Variants in CSRNP3 observed in about 807,000 individuals in gnomAD.
CSRNP3 encodes cysteine and serine rich nuclear protein 3.
A neutral mutation model predicts 48.0 loss-of-function variants in CSRNP3; 12 were observed. The observed-to-expected ratio is 0.25, with a 90% CI of 0.16 to 0.41. The LOEUF (loss-of-function observed/expected upper bound fraction) is 0.41, where lower values mean the gene tolerates loss of function less well. Ranked by LOEUF, CSRNP3 falls within the 10% of genes least tolerant of loss-of-function variation. The pLI is 1.00. For missense variants in CSRNP3, 580 were observed against 724.4 expected, an observed-to-expected ratio of 0.80 and a Z score of 2.29; for synonymous variants, 263 against 269.7, an observed-to-expected ratio of 0.98 and a Z score of 0.24.
At chr2:165,603,173 G>C (rs1205207204) in intron 4 of CSRNP3, among the ~76,000 whole-genome samples, 2 of 152,140 alleles carry the variant, frequency 1.3e-5, no homozygotes, top group African/African-American at 4.8e-5. Context: ...GGGATTACAG[G>C]CGTGAGCCAC....
At chr2:165,476,966 A>G (rs964377918) in intron 1 of CSRNP3, among the ~76,000 whole-genome samples, 9 of 152,128 alleles carry the variant, frequency 5.9e-5, no homozygotes, top group African/African-American at 1.9e-4. Context: ...CTTCCTAAGT[A>G]TTATTGCTTG....
Position 165,638,089 on chromosome 2 carries a change from T to C in CSRNP3, c.149-19672T>C, listed in dbSNP as rs565982334. Reference sequence around the variant, plus strand: ...AAGACAGTCATTTTACTCAACCATTTCTATGAAGTCAGGCATTTAGGTGTT... The same window carrying C: ...AAGACAGTCATTTTACTCAACCATTCCTATGAAGTCAGGCATTTAGGTGTT... On this transcript the variant is annotated intron_variant, in intron 4 of 6. Coordinates refer to ENST00000651982, the MANE Select transcript of CSRNP3 (RefSeq NM_001172173.2). Among the ~76,000 whole-genome samples the C allele has an allele frequency of 7.2e-5, 11 of 152,334 alleles. 1 individual carries two copies. In the South Asian group the frequency reaches 2.3e-3, roughly 32 times the overall value.
chr2:165,584,743 G>A (rs927736095), intron 3 of CSRNP3, among the ~76,000 whole-genome samples: 1 of 152,068 alleles, frequency 6.6e-6, no homozygotes, highest in African/African-American at 2.4e-5. Context: ...CTTTTAGAAG[G>A]GCAACTGCTT....
intron 2 of CSRNP3, among the ~76,000 whole-genome samples, chr2:165,509,826 T>C (rs1684478291): frequency 6.6e-6 from 1 of 152,124 alleles, no homozygotes; most frequent in East Asian, 1.9e-4. Flanking sequence ...TGATACAGGA[T>C]CCAATCAAGG....
chr2:165,473,141 A>G (rs1036864671), intron 1 of CSRNP3, among the ~76,000 whole-genome samples: 1 of 152,132 alleles, frequency 6.6e-6, no homozygotes, highest in African/African-American at 2.4e-5. Context: ...TCGTAGGCTT[A>G]CTCTCAACTA....
chr2:165,583,358 A>G (rs1051910924), intron 3 of CSRNP3, among the ~76,000 whole-genome samples: 2 of 152,234 alleles, frequency 1.3e-5, no homozygotes, highest in African/African-American at 4.8e-5. Flanking sequence ...ACAAACAATT[A>G]CATTCAATAT....
intron 4 of CSRNP3, among the ~76,000 whole-genome samples, chr2:165,638,881 A>AG (rs1228018030): frequency 2.0e-5 from 3 of 152,244 alleles, no homozygotes; most frequent in Non-Finnish European, 4.4e-5. Flanking sequence ...ATGTTCTATA[A>AG]GGTTTCAGGG....
At chr2:165,594,718 C>T (rs1177435470) in intron 3 of CSRNP3, among the ~76,000 whole-genome samples, 1 of 152,088 alleles carries the variant, frequency 6.6e-6, no homozygotes, top group Non-Finnish European at 1.5e-5. Flanking sequence ...GAGACATTGG[C>T]ATTATTTTTC....
At chr2:165,624,425 CTT>C (rs1252626899) in intron 4 of CSRNP3, among the ~76,000 whole-genome samples, 3 of 152,154 alleles carry the variant, frequency 2.0e-5, no homozygotes, top group African/African-American at 4.8e-5. Flanking sequence ...TTAAGTCACT[CTT>C]TTTATTTTTC....
At chr2:165,557,946 T>G (rs1685181317) in intron 3 of CSRNP3, among the ~76,000 whole-genome samples, 1 of 152,242 alleles carries the variant, frequency 6.6e-6, no homozygotes. Context: ...ATGGAGTCAA[T>G]ATTGTTAGAG....
At chr2:165,504,963 A>G (rs934220784) in intron 2 of CSRNP3, among the ~76,000 whole-genome samples, 1 of 152,136 alleles carries the variant, frequency 6.6e-6, no homozygotes, top group African/African-American at 2.4e-5. Context: ...ACTAATAGAC[A>G]TGACATGTTT....
Position 165,550,196 on chromosome 2 carries a change from C to T in CSRNP3, c.-24+32235C>T, listed in dbSNP as rs549543891. ...CCATCACATTTTTAAATGACAATGG[C>T]AATGCATGAACAAAAAGATTTTAAA... On this transcript the variant is annotated intron_variant, in intron 3 of 6. Coordinates refer to ENST00000651982, the MANE Select transcript of CSRNP3 (RefSeq NM_001172173.2). Among the ~76,000 whole-genome samples the T allele has an allele frequency of 5.3e-5, 8 of 152,090 alleles. No homozygotes were observed. The South Asian group carries it at 1.5e-3, about 28-fold the overall frequency.
chr2:165,505,631 A>C (rs1388984520), intron 2 of CSRNP3, among the ~76,000 whole-genome samples: 5 of 152,190 alleles, frequency 3.3e-5, no homozygotes, highest in Non-Finnish European at 7.3e-5. Context: ...GAATCAAGGA[A>C]TACAACTGGC....
intron 3 of CSRNP3, among the ~76,000 whole-genome samples, chr2:165,551,348 C>G (rs1341346393): frequency 6.6e-6 from 1 of 152,182 alleles, no homozygotes; most frequent in Admixed American, 6.5e-5. Flanking sequence ...TCCATGATGT[C>G]TTATTTATTT....
At chr2:165,527,335 T>G (rs1474970519) in intron 3 of CSRNP3, among the ~76,000 whole-genome samples, 1 of 150,858 alleles carries the variant, frequency 6.6e-6, no homozygotes, top group Non-Finnish European at 1.5e-5. Flanking sequence ...GCCTCCCGAG[T>G]AGCTGGGACT....
chr2:165,640,111 G>C (rs1026687156), intron 4 of CSRNP3, among the ~76,000 whole-genome samples: 9 of 152,214 alleles, frequency 5.9e-5, no homozygotes, highest in African/African-American at 2.2e-4. Context: ...GCACTCTACT[G>C]CTTCATATAA....
intron 4 of CSRNP3, among the ~76,000 whole-genome samples, chr2:165,618,393 A>G (rs1686286532): frequency 6.6e-6 from 1 of 152,174 alleles, no homozygotes; most frequent in South Asian, 2.1e-4. Flanking sequence ...TTAGCTACAA[A>G]CAGTTTTGGT....
At position 165,611,002 on chromosome 2, in the gene CSRNP3, C is replaced by A. The variant is rs567600879; in HGVS notation, c.148+15789C>A. ...CATGAATTTTGAGTAAAGACCAAGGCAGATAAATAAGTATTGGCGTTGGTA... is the reference window on the plus strand; with the variant it reads ...CATGAATTTTGAGTAAAGACCAAGGAAGATAAATAAGTATTGGCGTTGGTA... On this transcript the variant is annotated intron_variant, in intron 4 of 6. Transcript: ENST00000651982. 4.6e-5 allele frequency among the ~76,000 whole-genome samples: 7 copies of A among 152,126 alleles called. No individual in the cohort carries two copies. The East Asian group carries it at 1.4e-3, about 29-fold the overall frequency.
At chr2:165,676,693 C>A (rs1264152389) in intron 6 of CSRNP3, 85 bp downstream of exon 6, 2 of 1,279,988 alleles carry the variant, frequency 1.6e-6, no homozygotes, top group Non-Finnish European at 2.2e-6. Context: ...TATAATGAAG[C>A]TTCCCACATG....
Sources: gnomAD v4.1 joint callset for allele counts (sites outside exome capture counted in the v4.1 genomes callset) on GRCh38, gnomAD v4.1.1 for gene constraint, MANE v1.5 for transcripts, NCBI Gene and HGNC (gene_info 2026-07-23, HGNC 2026-07-21) for gene names.